SPMIP9: variants seen among roughly 807,000 people sequenced by gnomAD.
SPMIP9 encodes the protein sperm microtubule inner protein 9, also known as protein SPMIP9.
the SPMIP9 span, among the ~76,000 whole-genome samples, chr2:88,525,197 T>G: frequency 6.6e-6 from 1 of 152,202 alleles, no homozygotes; most frequent in Non-Finnish European, 1.5e-5. Context: ...TGTGCATATC[T>G]GTGCAACTCA....
At chr2:88,529,524 C>G in the SPMIP9 span, 1 of 1,496,768 alleles carries the variant, frequency 6.7e-7, no homozygotes, top group Non-Finnish European at 9.1e-7. Flanking sequence ...TGTGGAAATC[C>G]TATGACCTTG....
the SPMIP9 span, among the ~76,000 whole-genome samples, chr2:88,526,755 C>T: frequency 1.8e-3 from 276 of 152,112 alleles, 2 homozygotes; most frequent in African/African-American, 6.6e-3. Flanking sequence ...ACCTCTGCCG[C>T]CTGCCTGGAT....
At chr2:88,524,710 T>C in the SPMIP9 span, 10 of 152,332 alleles carry the variant, frequency 6.6e-5, no homozygotes, top group Admixed American at 6.5e-4. Flanking sequence ...GAGCGTCGTC[T>C]TGCCCTGGCA....
At chr2:88,526,362 G>C in the SPMIP9 span, 3 of 1,480,714 alleles carry the variant, frequency 2.0e-6, no homozygotes, top group South Asian at 2.3e-5. Context: ...AAGTGGAGGA[G>C]TGACGAGGGA....
the SPMIP9 span, chr2:88,524,913 C>T: frequency 2.0e-5 from 3 of 152,280 alleles, no homozygotes; most frequent in African/African-American, 7.2e-5. Context: ...CCTTAAGGAT[C>T]TAGGGGCCAC....
the SPMIP9 span, among the ~76,000 whole-genome samples, chr2:88,527,623 T>C: frequency 6.6e-6 from 1 of 152,374 alleles, no homozygotes; most frequent in East Asian, 1.9e-4. Flanking sequence ...AGTATTACAT[T>C]GCATGAATAT....
the SPMIP9 span, chr2:88,529,485 A>G: frequency 2.5e-6 from 4 of 1,601,762 alleles, no homozygotes; most frequent in Non-Finnish European, 3.4e-6. Flanking sequence ...GAAGGATGAA[A>G]ATACCTTCCA....
chr2:88,529,204 AC>A, the SPMIP9 span: 4 of 1,614,228 alleles, frequency 2.5e-6, no homozygotes, highest in Middle Eastern at 1.6e-4. Flanking sequence ...CATCACAGGA[AC>A]ATGAGGCCAC....
chr2:88,526,122 T>C, the SPMIP9 span, among the ~76,000 whole-genome samples: 1 of 152,010 alleles, frequency 6.6e-6, no homozygotes, highest in South Asian at 2.1e-4. Flanking sequence ...TCTTGGAGGA[T>C]AGGTAGGAGT....
At chr2:88,525,131 G>C in the SPMIP9 span, among the ~76,000 whole-genome samples, 1 of 152,184 alleles carries the variant, frequency 6.6e-6, no homozygotes, top group Non-Finnish European at 1.5e-5. Flanking sequence ...CTGAGGCCTG[G>C]TTCAGAGGAA....
At chr2:88,529,342 T>A in the SPMIP9 span, 5 of 1,614,000 alleles carry the variant, frequency 3.1e-6, no homozygotes, top group Non-Finnish European at 4.2e-6. Context: ...GCCTCGTGGA[T>A]CCCAAACACC....
At chr2:88,526,388 T>A in the SPMIP9 span, 3 of 1,590,382 alleles carry the variant, frequency 1.9e-6, no homozygotes, top group Non-Finnish European at 2.6e-6. Context: ...TTGTTTTATA[T>A]TCTCCTTGTG....
chr2:88,526,352 A>G, the SPMIP9 span: 2 of 1,407,272 alleles, frequency 1.4e-6, no homozygotes, highest in Non-Finnish European at 2.0e-6. Flanking sequence ...GAATGGCTTT[A>G]AGTGGAGGAG....
At chr2:88,528,265 G>C in the SPMIP9 span, among the ~76,000 whole-genome samples, 129 of 151,734 alleles carry the variant, frequency 8.5e-4, 1 homozygote, top group African/African-American at 3.1e-3. Context: ...AGCCTCCCGA[G>C]TAGCTGGGAT....
At chr2:88,525,797 GTTT>G in the SPMIP9 span, 276 of 700,012 alleles carry the variant, frequency 3.9e-4, no homozygotes, top group South Asian at 5.9e-4. Context: ...GGTTTTGTGG[GTTT>G]TTTTTTTTTT....
At chr2:88,526,281 T>C in the SPMIP9 span, 8 of 729,564 alleles carry the variant, frequency 1.1e-5, no homozygotes, top group South Asian at 3.2e-5. Flanking sequence ...GCCAGATCAT[T>C]TGGGCTCTGA....
At chr2:88,525,731 GCCCTGGAAGGGCC>G in the SPMIP9 span, 1 of 1,572,442 alleles carries the variant, frequency 6.4e-7, no homozygotes, top group East Asian at 2.2e-5. Context: ...CCTCAGCAAG[GCCCTGGAAGGGCC>G]AGGCTCTTTC....
At chr2:88,525,821 AG>A in the SPMIP9 span, 1 of 771,982 alleles carries the variant, frequency 1.3e-6, no homozygotes. Flanking sequence ...TGGTACAAGA[AG>A]AAGAAGAGAA....
the SPMIP9 span, among the ~76,000 whole-genome samples, chr2:88,526,865 A>T: frequency 6.6e-6 from 1 of 151,910 alleles, no homozygotes; most frequent in Non-Finnish European, 1.5e-5. Flanking sequence ...ATGGGATTTC[A>T]CCATCCTGGC....
Sources: allele counts gnomAD v4.1 joint callset (sites outside exome capture counted in the v4.1 genomes callset), GRCh38; gene constraint gnomAD v4.1.1; transcripts MANE v1.5; gene names NCBI Gene and HGNC (gene_info 2026-07-23, HGNC 2026-07-21).